Variants in HEPHL1 observed in about 807,000 individuals in gnomAD.
HEPHL1 encodes hephaestin like 1, also known as ferroxidase HEPHL1.
HEPHL1 carries 123 observed loss-of-function variants against 122.0 expected under a neutral mutation model. The ratio of observed to expected loss-of-function variants is 1.01; its 90% CI spans 0.87 to 1.17. HEPHL1 has a LOEUF of 1.17. HEPHL1 is among the 50% of genes most tolerant of loss of function. HEPHL1 has a pLI of 0.00. For missense variants in HEPHL1, 1,452 were observed against 1,430.5 expected, an observed-to-expected ratio of 1.01 and a Z score of -0.24; for synonymous variants, 527 against 508.9, an observed-to-expected ratio of 1.04 and a Z score of -0.48.
intron 8 of HEPHL1, 47 bp from the exon 9 acceptor site, chr11:94,075,127 A>G: frequency 4.6e-6 from 7 of 1,528,760 alleles, no homozygotes; most frequent in Non-Finnish European, 6.3e-6. Context: ...GACCAATGTA[A>G]TGTTCTTGCC....
chr11:94,022,568 C>G (rs1296284118), intron 1 of HEPHL1, among the ~76,000 whole-genome samples: 1 of 152,188 alleles, frequency 6.6e-6, no homozygotes, highest in East Asian at 1.9e-4. Context: ...TCCAAGTTTT[C>G]TAACAAAACA....
rs186851038 is a variant in HEPHL1 at position 94,073,221 on chromosome 11, G to A, written c.1372+57G>A. Reference sequence around the variant, plus strand: ...CCAGGGAGATGTTTTAGCTGGGCATGTACATCTGCACAGAATGACTCTTCT... The same window carrying A: ...CCAGGGAGATGTTTTAGCTGGGCATATACATCTGCACAGAATGACTCTTCT... On this transcript the variant is annotated intron_variant, in intron 7 of 19. Transcript: ENST00000315765. 4.4e-6 allele frequency: 7 copies of A among 1,608,160 alleles called. No individual in the cohort carries two copies. In the African/African-American group the frequency reaches 6.7e-5, roughly 15 times the overall value.
chr11:94,079,545 A>G (rs1946152363), intron 9 of HEPHL1, among the ~76,000 whole-genome samples: 1 of 152,222 alleles, frequency 6.6e-6, no homozygotes, highest in Non-Finnish European at 1.5e-5. Flanking sequence ...AAAGCATCAC[A>G]GAAGTGGGCA....
In HEPHL1 at chr11:94,021,371, GC is replaced by G. The variant is rs781259977; in HGVS notation, c.5del (p.Pro2LeufsTer69). On this transcript the variant is annotated frameshift_variant, in exon 1 of 20. Transcript: ENST00000315765. LOFTEE classifies it high-confidence loss of function. ...GCCTGCTTGAGTTACATCCACAAAT[GC>G]CTCGGAAGCAGCCAGCTGGCTGCAT... M[P>X]RKQPAGCIFL... The G allele has an allele frequency of 3.2e-5, 51 of 1,610,880 alleles. No individual in the cohort carries two copies. The South Asian group carries it at 5.4e-4, about 17-fold the overall frequency.
intron 3 of HEPHL1, 77 bp downstream of exon 3, chr11:94,063,797 T>TAAGA: frequency 8.3e-7 from 1 of 1,209,778 alleles, no homozygotes; most frequent in Admixed American, 1.7e-5. Flanking sequence ...CTACCTCCTT[T>TAAGA]GCTCCACACA....
intron 2 of HEPHL1, among the ~76,000 whole-genome samples, chr11:94,054,642 G>T (rs549311446): frequency 6.6e-6 from 1 of 152,254 alleles, no homozygotes; most frequent in Admixed American, 6.5e-5. Context: ...TTCAATCAAC[G>T]ATAGGATGGA....
intron 11 of HEPHL1, 121 bp from the exon 12 acceptor site, chr11:94,088,634 G>A: frequency 1.4e-6 from 1 of 723,758 alleles, no homozygotes; most frequent in Non-Finnish European, 2.2e-6. Flanking sequence ...TAGACAACTG[G>A]TATTTTAAAA....
At chr11:94,027,477 T>A (rs1306495046) in intron 1 of HEPHL1, among the ~76,000 whole-genome samples, 1 of 152,190 alleles carries the variant, frequency 6.6e-6, no homozygotes, top group Non-Finnish European at 1.5e-5. Flanking sequence ...CCTTGGCTGG[T>A]CACATTTTCC....
chr11:94,037,618 C>A (rs1945738623), intron 1 of HEPHL1, among the ~76,000 whole-genome samples: 1 of 152,134 alleles, frequency 6.6e-6, no homozygotes, highest in Non-Finnish European at 1.5e-5. Context: ...ATACTGACAC[C>A]TCACACAGCA....
chr11:94,070,160 T>C lies in HEPHL1; in HGVS notation c.1064-214T>C, dbSNP rs7119940. 9.5e-3 allele frequency among the ~76,000 whole-genome samples: 1,446 copies of C among 152,324 alleles called. 22 individuals carry two copies. Among genetic ancestry groups the C allele is most frequent in the African/African-American group, 0.033 (1,378 of 41,576 alleles). ...TTGGAGATTTACTTGTTTTCATCTT[T>C]ATCTGTAAAAGTGATTTACGTATTA... On this transcript the variant is annotated intron_variant, in intron 5 of 19. Coordinates refer to ENST00000315765, the MANE Select transcript of HEPHL1 (RefSeq NM_001098672.2).
chr11:94,069,751 C>G (rs1006805066), intron 5 of HEPHL1, among the ~76,000 whole-genome samples: 1 of 152,108 alleles, frequency 6.6e-6, no homozygotes, highest in Non-Finnish European at 1.5e-5. Flanking sequence ...ATAAACAGCA[C>G]TGATGACTAT....
chr11:94,057,540 A>C (rs1945948629), intron 2 of HEPHL1, among the ~76,000 whole-genome samples: 1 of 152,008 alleles, frequency 6.6e-6, no homozygotes, highest in African/African-American at 2.4e-5. Context: ...TTTCTTGAAT[A>C]TATTGTTGAG....
intron 8 of HEPHL1, 115 bp from the exon 9 acceptor site, chr11:94,075,059 C>T: frequency 1.2e-6 from 1 of 803,388 alleles, no homozygotes. Flanking sequence ...AAACCACTCT[C>T]CTGGTACAAA....
chr11:94,052,620 T>C (rs905102295), intron 2 of HEPHL1, among the ~76,000 whole-genome samples: 2 of 152,114 alleles, frequency 1.3e-5, no homozygotes, highest in Non-Finnish European at 2.9e-5. Context: ...TCTTGTCTGA[T>C]TGTTTTAGCT....
chr11:94,099,052 G>C (rs192246123), intron 13 of HEPHL1, among the ~76,000 whole-genome samples: 14 of 152,330 alleles, frequency 9.2e-5, no homozygotes, highest in Middle Eastern at 3.4e-3. Flanking sequence ...TCTGTTGCTG[G>C]CTAGGAGCTG....
At chr11:94,060,176 T>TA (rs1278280328) in intron 2 of HEPHL1, among the ~76,000 whole-genome samples, 1 of 146,420 alleles carries the variant, frequency 6.8e-6, no homozygotes, top group Non-Finnish European at 1.5e-5. Flanking sequence ...ATCTTGAAGA[T>TA]ACGATCATGA....
chr11:94,106,618 G>A (rs960003453), intron 17 of HEPHL1, among the ~76,000 whole-genome samples: 1 of 152,064 alleles, frequency 6.6e-6, no homozygotes, highest in Non-Finnish European at 1.5e-5. Context: ...ATATGTATAT[G>A]TATATTATTG....
chr11:94,092,384 T>G (rs1946268809), intron 12 of HEPHL1, among the ~76,000 whole-genome samples: 2 of 152,292 alleles, frequency 1.3e-5, no homozygotes, highest in Admixed American at 6.5e-5. Flanking sequence ...CCTGTGACAT[T>G]TTTGTGGTCA....
At chr11:94,089,407 C>A (rs920388782) in intron 12 of HEPHL1, among the ~76,000 whole-genome samples, 2 of 152,172 alleles carry the variant, frequency 1.3e-5, no homozygotes, top group African/African-American at 4.8e-5. Flanking sequence ...AGTGGGGGAC[C>A]ACCAAGGAGG....
Sources: allele counts gnomAD v4.1 joint callset (sites outside exome capture counted in the v4.1 genomes callset), GRCh38; gene constraint gnomAD v4.1.1; transcripts MANE v1.5; gene names NCBI Gene and HGNC (gene_info 2026-07-23, HGNC 2026-07-21).